The following TASP1 variants were observed in gnomAD, a reference collection of about 807,000 sequenced individuals.
TASP1 encodes taspase 1.
A neutral mutation model predicts 56.6 loss-of-function variants in TASP1; 16 were observed. The ratio of observed to expected loss-of-function variants is 0.28; its 90% CI spans 0.19 to 0.43. TASP1 has a LOEUF of 0.43. Ranked by LOEUF, TASP1 falls within the 20% of genes least tolerant of loss-of-function variation. The pLI is 1.00. For missense variants in TASP1, 393 were observed against 511.6 expected, an observed-to-expected ratio of 0.77 and a Z score of 2.24; for synonymous variants, 179 against 184.2, an observed-to-expected ratio of 0.97 and a Z score of 0.23.
At chr20:13,582,256 AC>A (rs1288909723) in intron 5 of TASP1, among the ~76,000 whole-genome samples, 1 of 151,920 alleles carries the variant, frequency 6.6e-6, no homozygotes. Flanking sequence ...CCAAATCTTT[AC>A]TCCAACTTAT....
the TASP1 span, chr20:13,110,175 G>A: frequency 6.2e-7 from 1 of 1,613,608 alleles, no homozygotes; most frequent in Non-Finnish European, 8.5e-7. Context: ...CGAACCCGCA[G>A]AGCTTGGAAA....
chr20:13,430,314 G>T (rs1017886391), intron 12 of TASP1, among the ~76,000 whole-genome samples: 3 of 152,170 alleles, frequency 2.0e-5, no homozygotes. Context: ...GTTTCTGTGG[G>T]TCAGAAATTC....
chr20:13,146,014 T>C, the TASP1 span, among the ~76,000 whole-genome samples: 10 of 152,240 alleles, frequency 6.6e-5, no homozygotes, highest in African/African-American at 1.7e-4. Context: ...AGCAAAGACA[T>C]GGAATCAACC....
chr20:13,433,841 T>TAAAA (rs111973613), intron 12 of TASP1, among the ~76,000 whole-genome samples: 57 of 116,156 alleles, frequency 4.9e-4, no homozygotes, highest in African/African-American at 1.7e-3. Flanking sequence ...GTGTTTGTAT[T>TAAAA]AAAAAAAAAA....
the TASP1 span, among the ~76,000 whole-genome samples, chr20:13,372,951 C>T: frequency 6.6e-6 from 1 of 152,012 alleles, no homozygotes; most frequent in African/African-American, 2.4e-5. Context: ...ATCATTGTCA[C>T]ACATATTACA....
chr20:13,121,868 T>C, the TASP1 span, among the ~76,000 whole-genome samples: 1 of 152,214 alleles, frequency 6.6e-6, no homozygotes, highest in Non-Finnish European at 1.5e-5. Flanking sequence ...AAAGAACCAG[T>C]GCTGCACCGA....
At chr20:13,622,789 T>C (rs1015543897) in intron 4 of TASP1, among the ~76,000 whole-genome samples, 13 of 152,206 alleles carry the variant, frequency 8.5e-5, no homozygotes, top group African/African-American at 2.7e-4. Context: ...CTCAACTGAT[T>C]GACACAAATC....
intron 10 of TASP1, among the ~76,000 whole-genome samples, chr20:13,516,658 G>GTTT (rs34296221): frequency 1.6e-5 from 2 of 124,840 alleles, no homozygotes; most frequent in Non-Finnish European, 3.3e-5. Context: ...TTACGCCTTT[G>GTTT]TTTTTTTTTT....
At chr20:13,565,606 T>C (rs2046499690) in intron 7 of TASP1, among the ~76,000 whole-genome samples, 1 of 152,114 alleles carries the variant, frequency 6.6e-6, no homozygotes, top group Non-Finnish European at 1.5e-5. Context: ...AACAGCATAA[T>C]CATTATGGAA....
chr20:13,315,011 T>G, the TASP1 span, among the ~76,000 whole-genome samples: 1 of 151,862 alleles, frequency 6.6e-6, no homozygotes, highest in South Asian at 2.1e-4. Flanking sequence ...CTAGAGCAAC[T>G]GCTAAAAAAA....
the TASP1 span, among the ~76,000 whole-genome samples, chr20:13,261,378 A>T: frequency 3.3e-5 from 5 of 151,604 alleles, no homozygotes; most frequent in African/African-American, 1.2e-4. Flanking sequence ...AGATCGCGCC[A>T]TTGCCCTTCA....
the TASP1 span, chr20:13,298,879 T>A: frequency 6.5e-7 from 1 of 1,547,418 alleles, no homozygotes; most frequent in South Asian, 1.2e-5. Flanking sequence ...ACATGCTCCT[T>A]GAAGCACCTC....
intron 11 of TASP1, among the ~76,000 whole-genome samples, chr20:13,481,376 C>G (rs1470645780): frequency 6.6e-6 from 1 of 152,114 alleles, no homozygotes; most frequent in African/African-American, 2.4e-5. Flanking sequence ...GCTGCCACAA[C>G]AAACATGGGA....
chr20:13,417,815 T>C (rs563814318), intron 12 of TASP1, among the ~76,000 whole-genome samples: 2 of 152,126 alleles, frequency 1.3e-5, no homozygotes, highest in East Asian at 1.9e-4. Context: ...CACTCGTACA[T>C]ACGGTACACA....
chr20:13,491,693 A>G (rs1386958467), intron 10 of TASP1, among the ~76,000 whole-genome samples: 1 of 152,234 alleles, frequency 6.6e-6, no homozygotes, highest in Non-Finnish European at 1.5e-5. Flanking sequence ...AGCTTTTGCA[A>G]TAAGAATAGA....
chr20:13,221,671 G>C, the TASP1 span: 2 of 1,016,094 alleles, frequency 2.0e-6, no homozygotes, highest in Non-Finnish European at 2.5e-6. Flanking sequence ...GAGCCGAGGC[G>C]GGAGCCGCGC....
the TASP1 span, among the ~76,000 whole-genome samples, chr20:13,196,945 C>A: frequency 6.6e-6 from 1 of 152,244 alleles, no homozygotes; most frequent in East Asian, 1.9e-4. Flanking sequence ...TTCCAGGCAT[C>A]TTTTCAGCCA....
At chr20:13,367,363 T>C in the TASP1 span, among the ~76,000 whole-genome samples, 2 of 152,226 alleles carry the variant, frequency 1.3e-5, no homozygotes, top group Non-Finnish European at 2.9e-5. Flanking sequence ...TTCCAGATAT[T>C]CATTCCCATT....
chr20:13,324,241 C>T, the TASP1 span, among the ~76,000 whole-genome samples: 1 of 152,150 alleles, frequency 6.6e-6, no homozygotes, highest in African/African-American at 2.4e-5. Flanking sequence ...ACTTTCACAG[C>T]CCCACCTCAC....
Sources: allele counts gnomAD v4.1 joint callset (sites outside exome capture counted in the v4.1 genomes callset), GRCh38; gene constraint gnomAD v4.1.1; transcripts MANE v1.5; gene names NCBI Gene and HGNC (gene_info 2026-07-23, HGNC 2026-07-21).